Variants in BIRC6 observed in about 807,000 individuals in gnomAD.
BIRC6 encodes the protein dual E2 ubiquitin-conjugating enzyme/E3 ubiquitin-protein ligase BIRC6.
A neutral mutation model predicts 503.3 loss-of-function variants in BIRC6; 98 were observed. That is an observed-to-expected ratio of 0.19 (90% CI 0.17 to 0.23). BIRC6 has a LOEUF of 0.23. Among genes scored for constraint, BIRC6 ranks in the 10% least tolerant of loss-of-function variants. The pLI, the probability that BIRC6 is intolerant of heterozygous loss-of-function variation, is 1.00. For missense variants in BIRC6, 5,360 were observed against 5,806.0 expected (o/e 0.92, Z 2.50); for synonymous variants, 2,240 against 2,078.7 (o/e 1.08, Z -2.11).
At chr2:32,473,018 C>A in intron 32 of BIRC6, 94 bp from the exon 33 acceptor site, 1 of 1,045,478 alleles carries the variant, frequency 9.6e-7, no homozygotes, top group South Asian at 1.6e-5. Flanking sequence ...ATGATTGACA[C>A]ATGTATAACT....
In BIRC6 at chr2:32,357,112, C is replaced by A. The variant is rs1195908549; in HGVS notation, c.-50C>A. 5.0e-6 allele frequency: 7 copies of A among 1,402,324 alleles called. No homozygotes were observed. Among genetic ancestry groups the A allele is most frequent in the Non-Finnish European group, 6.5e-6 (7 of 1,079,034 alleles). The allele number at this position is 1,402,324 out of a possible 1,614,324, so 86.9% of individuals were successfully genotyped here. ...GATCGACGTTCCGCGTGCGTGCGGGCGCCTGACTTCACTTCCGGCTAACGC... is the reference window on the plus strand; with the variant it reads ...GATCGACGTTCCGCGTGCGTGCGGGAGCCTGACTTCACTTCCGGCTAACGC... On this transcript the variant is annotated 5_prime_UTR_variant, in exon 1 of 74. Coordinates refer to ENST00000421745, the MANE Select transcript of BIRC6 (RefSeq NM_016252.4). The surrounding 1 kb of genome is among the most constrained non-coding windows in gnomAD (Gnocchi z 4.9).
At chr2:32,543,140 A>C in intron 61 of BIRC6, 101 bp from the exon 62 acceptor site, 1 of 1,275,558 alleles carries the variant, frequency 7.8e-7, no homozygotes, top group South Asian at 1.5e-5. Context: ...ATTAATCCTT[A>C]TAATCCTATA....
chr2:32,454,764 A>C (rs879883075), intron 23 of BIRC6, among the ~76,000 whole-genome samples: 1 of 152,216 alleles, frequency 6.6e-6, no homozygotes, highest in Non-Finnish European at 1.5e-5. Context: ...AGGAGGTTTT[A>C]AAAGGAATTT....
At position 32,499,672 on chromosome 2, in the gene BIRC6, T is replaced by C; in HGVS notation, c.8594T>C (p.Phe2865Ser). Residue 2865 changes from phenylalanine to serine, a missense_variant, in exon 46 of 74, where the codon TTT (phenylalanine) becomes TCT (serine). By Grantham distance (155) the Phe-to-Ser change is radical. Around this residue, in one of 16 missense-constraint regions of BIRC6, gnomAD observed 2,299 missense variants for 2,267.2 expected, o/e 1.01. Transcript: ENST00000421745. ...TCTGCCGTGATAGAATCGGTTACAT[T>C]TTTAGTGCACCACTATATCACTTGC... Reference protein sequence around the residue: ...TISAVIESVTFLVHHYITCSD... With the variant: ...TISAVIESVTSLVHHYITCSD... 6.2e-7 allele frequency: 1 copy of C among 1,613,908 alleles called. No homozygotes were observed. Among genetic ancestry groups the C allele is most frequent in the Admixed American group, 1.7e-5 (1 of 60,016 alleles).
chr2:32,595,185 A>C, intron 68 of BIRC6, 41 bp downstream of exon 68: 1 of 1,285,388 alleles, frequency 7.8e-7, no homozygotes, highest in Non-Finnish European at 1.1e-6. Context: ...CTCACTTTCC[A>C]TTTTTTTTTA....
At chr2:32,392,536 A>C (rs139049918) in intron 5 of BIRC6, among the ~76,000 whole-genome samples, 1 of 152,310 alleles carries the variant, frequency 6.6e-6, no homozygotes, top group African/African-American at 2.4e-5. Context: ...GATTACAGGC[A>C]TGCCAGGCCA....
At chr2:32,451,283 T>C (rs954452937) in intron 22 of BIRC6, among the ~76,000 whole-genome samples, 3 of 152,244 alleles carry the variant, frequency 2.0e-5, no homozygotes, top group Admixed American at 6.5e-5. Flanking sequence ...CCACTTTATC[T>C]TGTGTCATTG....
At chr2:32,570,033 C>G (rs1392929992) in intron 65 of BIRC6, among the ~76,000 whole-genome samples, 1 of 151,990 alleles carries the variant, frequency 6.6e-6, no homozygotes, top group Non-Finnish European at 1.5e-5. Context: ...CAGCTTTTTC[C>G]CATTAAGTAT....
At chr2:32,399,613 G>A (rs906785103) in intron 6 of BIRC6, among the ~76,000 whole-genome samples, 1 of 151,898 alleles carries the variant, frequency 6.6e-6, no homozygotes, top group African/African-American at 2.4e-5. Context: ...TATAATTATA[G>A]CTAATAGAAA....
intron 23 of BIRC6, among the ~76,000 whole-genome samples, chr2:32,458,843 C>T (rs538361739): frequency 1.1e-4 from 16 of 151,858 alleles, no homozygotes; most frequent in Admixed American, 9.8e-4. Flanking sequence ...TAGACATGCA[C>T]CACCATCAGT....
At chr2:32,370,517 G>C (rs1014418589) in intron 1 of BIRC6, among the ~76,000 whole-genome samples, 2 of 152,122 alleles carry the variant, frequency 1.3e-5, no homozygotes, top group African/African-American at 4.8e-5. Context: ...TTGTGGTGCA[G>C]TCACTGACCT....
intron 39 of BIRC6, 79 bp from the exon 40 acceptor site, chr2:32,485,564 T>A: frequency 1.1e-6 from 1 of 927,532 alleles, no homozygotes; most frequent in South Asian, 1.5e-5. Flanking sequence ...TGGGTTCAGA[T>A]GTCATCATTT....
Position 32,464,705 on chromosome 2 carries a change from A to T in BIRC6, c.5138A>T (p.Asn1713Ile). Residue 1713 changes from asparagine (N) to isoleucine (I), a missense_variant, in exon 25 of 74, where the codon AAT (asparagine) becomes ATT (isoleucine). Physicochemically the swap from Asn to Ile is moderately radical, Grantham distance 149. Around this residue, in one of 16 missense-constraint regions of BIRC6, gnomAD observed 2,299 missense variants for 2,267.2 expected, o/e 1.01. Transcript: ENST00000421745. ...LFMTPPLTPP[N>I]EAVSVVINAE... ...ATGACTCCACCACTCACTCCACCCAATGAAGCAGTTTCCGTTGTGATTAAT... is the reference window on the plus strand; with the variant it reads ...ATGACTCCACCACTCACTCCACCCATTGAAGCAGTTTCCGTTGTGATTAAT... The T allele has an allele frequency of 6.2e-7, 1 of 1,613,916 alleles. No individual in the cohort carries two copies. Among genetic ancestry groups the T allele is most frequent in the Non-Finnish European group, 8.5e-7 (1 of 1,179,866 alleles).
At chr2:32,463,412 T>C in intron 24 of BIRC6, 31 bp downstream of exon 24, 1 of 1,555,690 alleles carries the variant, frequency 6.4e-7, no homozygotes, top group South Asian at 1.2e-5. Flanking sequence ...TTGTTCATGC[T>C]GTCTCTAAAC....
chr2:32,417,129 G>GC (rs1188890637), intron 10 of BIRC6, among the ~76,000 whole-genome samples: 2 of 151,846 alleles, frequency 1.3e-5, no homozygotes, highest in Non-Finnish European at 2.9e-5. Flanking sequence ...GAGCCACCAT[G>GC]CCAGGCCTTT....
At chr2:32,597,005 T>C (rs2061718477) in intron 68 of BIRC6, among the ~76,000 whole-genome samples, 1 of 152,232 alleles carries the variant, frequency 6.6e-6, no homozygotes, top group East Asian at 1.9e-4. Flanking sequence ...ACTCTCCAAG[T>C]ATGTGACTTT....
chr2:32,471,572 G>C (rs1381001923), intron 32 of BIRC6, among the ~76,000 whole-genome samples: 1 of 152,082 alleles, frequency 6.6e-6, no homozygotes, highest in Admixed American at 6.5e-5. Context: ...TGAGTTGTAA[G>C]CTTTCTTTAT....
chr2:32,485,537 C>G, intron 39 of BIRC6, 106 bp from the exon 40 acceptor site: 2 of 688,656 alleles, frequency 2.9e-6, no homozygotes, highest in Non-Finnish European at 4.9e-6. Context: ...TGTAAGAACA[C>G]ACTCTTCATC....
At chr2:32,572,709 T>A (rs1173212792) in intron 65 of BIRC6, among the ~76,000 whole-genome samples, 1 of 152,114 alleles carries the variant, frequency 6.6e-6, no homozygotes, top group Non-Finnish European at 1.5e-5. Context: ...GGTTGGAAAA[T>A]GGGCTTTCAT....
Sources: allele counts gnomAD v4.1 joint callset (sites outside exome capture counted in the v4.1 genomes callset), GRCh38; gene constraint gnomAD v4.1.1; regional missense constraint gnomAD v4.1.1; non-coding constraint Gnocchi (gnomAD v3.1); transcripts MANE v1.5; gene names NCBI Gene and HGNC (gene_info 2026-07-23, HGNC 2026-07-21).